Variants in RAB11FIP3 observed in about 807,000 individuals in gnomAD.
RAB11FIP3 encodes rab11 family-interacting protein 3.
RAB11FIP3 carries 17 observed loss-of-function variants against 77.8 expected under a neutral mutation model. The ratio of observed to expected loss-of-function variants is 0.22; its 90% CI spans 0.15 to 0.33. The LOEUF is 0.33. Among genes scored for constraint, RAB11FIP3 ranks in the 10% least tolerant of loss-of-function variants. The pLI, the probability that RAB11FIP3 is intolerant of heterozygous loss-of-function variation, is 1.00. For missense variants in RAB11FIP3, 1,005 were observed against 1,011.2 expected (o/e 0.99, Z 0.08); for synonymous variants, 437 against 448.2 (o/e 0.98, Z 0.31).
chr16:510,317 A>G (rs2032080563), intron 8 of RAB11FIP3: 1 of 263,928 alleles, frequency 3.8e-6, no homozygotes, highest in Admixed American at 5.0e-5. Context: ...CAGCTGCATG[A>G]ACACAGAGTG....
intron 1 of RAB11FIP3, among the ~76,000 whole-genome samples, chr16:436,792 C>A (rs116503967): frequency 0.026 from 3,998 of 152,166 alleles, 195 homozygotes; most frequent in African/African-American, 0.089. Context: ...TTCGTAGAGA[C>A]GAGTTCTCAC....
chr16:432,250 G>A (rs1567352319), intron 1 of RAB11FIP3, among the ~76,000 whole-genome samples: 2 of 151,998 alleles, frequency 1.3e-5, no homozygotes, highest in Non-Finnish European at 2.9e-5. Context: ...GGTGGTAGGC[G>A]CCTATAATCC....
At chr16:444,724 C>G (rs1384677681) in intron 1 of RAB11FIP3, among the ~76,000 whole-genome samples, 3 of 152,054 alleles carry the variant, frequency 2.0e-5, no homozygotes, top group Non-Finnish European at 4.4e-5. Flanking sequence ...GTGGCTCATG[C>G]ATGTAATCCA....
In RAB11FIP3 at chr16:506,672, G is replaced by A. The variant is rs186417006; in HGVS notation, c.1499+1045G>A. Among the ~76,000 whole-genome samples, 12 of 152,348 alleles carry A rather than the reference G, an allele frequency of 7.9e-5. No homozygotes were observed. In the South Asian group the frequency reaches 1.2e-3, roughly 16 times the overall value. On this transcript the variant is annotated intron_variant, in intron 8 of 13. Transcript: ENST00000262305. The surrounding 1 kb of genome is among the most constrained non-coding windows in gnomAD (Gnocchi z 4.5). The stretch of plus-strand genomic sequence containing the variant: ...ATTTGTGACCATCTGCCCTGTGAGC[G>A]CTGAGAATTGGAATGCCTCATGGGA...
chr16:475,077 C>T (rs2055877176), intron 3 of RAB11FIP3: 2 of 1,551,472 alleles, frequency 1.3e-6, no homozygotes, highest in Non-Finnish European at 1.7e-6. Flanking sequence ...GCCTGTGAGG[C>T]CACCCGGGCC....
At position 506,419 on chromosome 16, in the gene RAB11FIP3, G is replaced by A. The variant is rs1450583957; in HGVS notation, c.1499+792G>A. Among the ~76,000 whole-genome samples, 2 of 152,170 alleles carry A rather than the reference G, an allele frequency of 1.3e-5. No homozygotes were observed. The highest frequency in any genetic ancestry group is 1.5e-5 in the Non-Finnish European group (1 of 68,018). ...GGCACCTGTGGGATCTGCAGAAGAG[G>A]TTCTTCCTGTGAGCTTCTGTCCCTG... On this transcript the variant is annotated intron_variant, in intron 8 of 13. Coordinates refer to ENST00000262305, the MANE Select transcript of RAB11FIP3 (RefSeq NM_014700.4). This position sits in a 1 kb window ranked among gnomAD's most constrained non-coding sequence, Gnocchi z 4.5.
intron 4 of RAB11FIP3, 62 bp from the exon 5 acceptor site, chr16:488,789 C>G (rs2029911557): frequency 1.9e-6 from 3 of 1,564,530 alleles, no homozygotes; most frequent in Non-Finnish European, 2.6e-6. Context: ...ACCTTCCACA[C>G]CCTCAGCTCG....
rs1567403485 is a variant in RAB11FIP3 at position 505,753 on chromosome 16, C to T, written c.1499+126C>T. 26 of 817,310 alleles carry T rather than the reference C, an allele frequency of 3.2e-5. No individual in the cohort carries two copies. The highest frequency in any genetic ancestry group is 4.7e-5 in the Non-Finnish European group (25 of 533,036). The allele number at this position is 817,310 out of a possible 1,614,324, so 50.6% of individuals were successfully genotyped here. ...CCACCCGTCCATCCCCGTTGGAAGC[C>T]GGCTGAGGGGGTGGTGCCAGGTGGT... On this transcript the variant is annotated intron_variant, in intron 8 of 13. Transcript: ENST00000262305. The surrounding 1 kb of genome is among the most constrained non-coding windows in gnomAD (Gnocchi z 4.0).
chr16:427,531 G>A (rs2054969330), intron 1 of RAB11FIP3, among the ~76,000 whole-genome samples: 1 of 152,242 alleles, frequency 6.6e-6, no homozygotes, highest in Non-Finnish European at 1.5e-5. Flanking sequence ...GTCTACCTCA[G>A]CACTTAATAA....
intron 8 of RAB11FIP3, among the ~76,000 whole-genome samples, chr16:510,063 G>C (rs921726414): frequency 1.4e-5 from 2 of 148,132 alleles, no homozygotes; most frequent in African/African-American, 2.5e-5. Flanking sequence ...CTGAGCGCAC[G>C]CGTTGTGTGT....
At chr16:439,117 C>A (rs2055182273) in intron 1 of RAB11FIP3, among the ~76,000 whole-genome samples, 1 of 152,224 alleles carries the variant, frequency 6.6e-6, no homozygotes, top group Non-Finnish European at 1.5e-5. Flanking sequence ...CTCTTCGTAG[C>A]TGGCACTACA....
chr16:461,682 T>C lies in RAB11FIP3; in HGVS notation c.808+185T>C, dbSNP rs2055609231. 2.0e-5 allele frequency among the ~76,000 whole-genome samples: 3 copies of C among 152,142 alleles called. No individual in the cohort carries two copies. Among genetic ancestry groups the C allele is most frequent in the Admixed American group, 2.0e-4 (3 of 15,254 alleles). The stretch of plus-strand genomic sequence containing the variant: ...CTTGTTACCTTCTCCTCACATACCC[T>C]GTTTTCCAGAATTTGCTGCGTTAAC... On this transcript the variant is annotated intron_variant, in intron 2 of 13. Coordinates refer to ENST00000262305, the MANE Select transcript of RAB11FIP3 (RefSeq NM_014700.4). This position sits in a 1 kb window ranked among gnomAD's most constrained non-coding sequence, Gnocchi z 4.5.
At position 505,743 on chromosome 16, in the gene RAB11FIP3, C is replaced by T. The variant is rs562099158; in HGVS notation, c.1499+116C>T. Reference sequence around the variant, plus strand: ...AGGGGCTTGGCCACCCGTCCATCCCCGTTGGAAGCCGGCTGAGGGGGTGGT... The same window carrying T: ...AGGGGCTTGGCCACCCGTCCATCCCTGTTGGAAGCCGGCTGAGGGGGTGGT... On this transcript the variant is annotated intron_variant, in intron 8 of 13. Coordinates refer to ENST00000262305, the MANE Select transcript of RAB11FIP3 (RefSeq NM_014700.4). The surrounding 1 kb of genome is among the most constrained non-coding windows in gnomAD (Gnocchi z 4.0). 3.7e-5 allele frequency: 33 copies of T among 888,602 alleles called. No individual in the cohort carries two copies. In the East Asian group the frequency reaches 4.1e-4, roughly 11 times the overall value. The allele number at this position is 888,602 out of a possible 1,614,324, so 55.0% of individuals were successfully genotyped here. A position where few individuals can be genotyped will look rare whatever the true frequency, so the allele number is the denominator to read the frequency against.
At chr16:469,158 C>T (rs937530452) in intron 2 of RAB11FIP3, among the ~76,000 whole-genome samples, 5 of 152,030 alleles carry the variant, frequency 3.3e-5, no homozygotes, top group African/African-American at 4.8e-5. Flanking sequence ...CTCTGCCTCC[C>T]GGGTCCCGGT....
At chr16:438,562 C>G (rs138890395) in intron 1 of RAB11FIP3, among the ~76,000 whole-genome samples, 1 of 149,742 alleles carries the variant, frequency 6.7e-6, no homozygotes, top group Non-Finnish European at 1.5e-5. Flanking sequence ...CACGCCACCA[C>G]GCCTGGCTAA....
At chr16:477,594 A>C in intron 3 of RAB11FIP3, 2 of 984,718 alleles carry the variant, frequency 2.0e-6, no homozygotes, top group Non-Finnish European at 2.4e-6. Flanking sequence ...AGCACAGGCC[A>C]GCCCTGTCCT....
chr16:433,045 T>G (rs1596182506), intron 1 of RAB11FIP3, among the ~76,000 whole-genome samples: 1 of 123,182 alleles, frequency 8.1e-6, no homozygotes, highest in South Asian at 3.0e-4. Context: ...TTTTTTTTTT[T>G]TTTTTTGAGA....
chr16:520,920 C>G lies in RAB11FIP3; in HGVS notation c.*81C>G. The G allele has an allele frequency of 8.7e-7, 1 of 1,154,952 alleles. No homozygotes were observed. The highest frequency in any genetic ancestry group is 1.5e-5 in the African/African-American group (1 of 65,998). 71.5% of individuals were successfully genotyped at this position (1,154,952 alleles called of 1,614,324 possible). A position where few individuals can be genotyped will look rare whatever the true frequency, so the allele number is the denominator to read the frequency against. On this transcript the variant is annotated 3_prime_UTR_variant, in exon 14 of 14. Coordinates refer to ENST00000262305, the MANE Select transcript of RAB11FIP3 (RefSeq NM_014700.4). ...CCGTCAGACCATGAGGAGCCAAGAC[C>G]AGCAGGTCCCACAGCCGACAGTGCC...
At chr16:427,746 GGTCTGTAA>G (rs973479369) in intron 1 of RAB11FIP3, among the ~76,000 whole-genome samples, 9 of 152,286 alleles carry the variant, frequency 5.9e-5, no homozygotes, top group Non-Finnish European at 1.3e-4. Context: ...TAAGCCAAGA[GGTCTGTAA>G]GAAAAGAGGT....
Sources: allele counts gnomAD v4.1 joint callset (sites outside exome capture counted in the v4.1 genomes callset), GRCh38; gene constraint gnomAD v4.1.1; non-coding constraint Gnocchi (gnomAD v3.1); transcripts MANE v1.5; gene names NCBI Gene and HGNC (gene_info 2026-07-23, HGNC 2026-07-21).